The following ABCA3 variants were observed in gnomAD, a reference collection of about 807,000 sequenced individuals.
The protein encoded by ABCA3 is ATP binding cassette subfamily A member 3.
ABCA3 carries 88 observed loss-of-function variants against 172.8 expected under a neutral mutation model. That is an observed-to-expected ratio of 0.51 (90% CI 0.43 to 0.61). The LOEUF is 0.61. Among genes scored for constraint, ABCA3 ranks in the 20% least tolerant of loss-of-function variants. The probability of loss-of-function intolerance (pLI) is 0.00; values close to 1 mark genes in which losing one functional copy is unlikely to be tolerated. For synonymous variants in ABCA3, 1,066 were observed against 983.8 expected, an observed-to-expected ratio of 1.08 and a Z score of -1.56; for missense variants, 2,164 against 2,301.0, an observed-to-expected ratio of 0.94 and a Z score of 1.22.
intron 7 of ABCA3, among the ~76,000 whole-genome samples, chr16:2,322,656 AG>A (rs1467691544): frequency 1.3e-5 from 2 of 151,764 alleles, no homozygotes; most frequent in Non-Finnish European, 2.9e-5. Context: ...AATTAATTCG[AG>A]ATGGATTAAA....
rs776976292 is a variant in ABCA3 at position 2,281,494 on chromosome 16, G to T, written c.4051C>A (p.Arg1351=). 5 of 1,613,202 alleles carry T rather than the reference G, an allele frequency of 3.1e-6. No individual in the cohort carries two copies. The African/African-American group carries it at 5.3e-5, about 17-fold the overall frequency. ...TGGTCCTCAGGAAGCACAGGCATCCGGGTGTATAATTCTGTCTGATTGACC... is the reference window on the plus strand; with the variant it reads ...TGGTCCTCAGGAAGCACAGGCATCCTGGTGTATAATTCTGTCTGATTGACC... ...RRRTLTELYT[R]MPVLPEDQDV... is the part of the protein sequence containing the mutation. Residue 1351 remains arginine (R), a synonymous_variant, in exon 27 of 33, where the codon CGG becomes AGG. Transcript: ENST00000301732. This position sits in a 1 kb window ranked among gnomAD's most constrained non-coding sequence, Gnocchi z 4.7.
chr16:2,333,483 G>C (rs576811242), intron 1 of ABCA3, among the ~76,000 whole-genome samples: 3 of 152,292 alleles, frequency 2.0e-5, no homozygotes, highest in African/African-American at 2.4e-5. Context: ...GACACCAGGA[G>C]TCTGCAACAG....
At chr16:2,322,196 G>GAAA (rs770820216) in intron 7 of ABCA3, among the ~76,000 whole-genome samples, 1 of 117,468 alleles carries the variant, frequency 8.5e-6, no homozygotes, top group South Asian at 2.7e-4. Context: ...GATTCTGTCT[G>GAAA]AAAAAAAAAA....
chr16:2,297,676 G>A lies in ABCA3; in HGVS notation c.2052+90C>T. 1 of 1,594,010 alleles carries A rather than the reference G, an allele frequency of 6.3e-7. No individual in the cohort carries two copies. Among genetic ancestry groups the A allele is most frequent in the South Asian group, 1.1e-5 (1 of 90,568 alleles). On this transcript the variant is annotated intron_variant, in intron 16 of 32. Coordinates refer to ENST00000301732, the MANE Select transcript of ABCA3 (RefSeq NM_001089.3). This position sits in a 1 kb window ranked among gnomAD's most constrained non-coding sequence, Gnocchi z 5.6. Reference sequence around the variant, plus strand: ...GGATGGTGATGGCCTTGTCTGGGGTGTCAAGGGCCAAGGTGCCCGGGCCAT... The same window carrying A: ...GGATGGTGATGGCCTTGTCTGGGGTATCAAGGGCCAAGGTGCCCGGGCCAT...
At chr16:2,296,030 G>C (rs2093679240) in intron 17 of ABCA3, among the ~76,000 whole-genome samples, 1 of 152,216 alleles carries the variant, frequency 6.6e-6, no homozygotes, top group African/African-American at 2.4e-5. Flanking sequence ...CACCAGGGAA[G>C]GATATCATCA....
intron 9 of ABCA3, 47 bp from the exon 10 acceptor site, chr16:2,317,450 G>A: frequency 6.2e-7 from 1 of 1,610,450 alleles, no homozygotes; most frequent in Non-Finnish European, 8.5e-7. Flanking sequence ...GGCAGAGGTG[G>A]ACCAGGAGGA....
In ABCA3 at chr16:2,279,138, C is replaced by T. The variant is rs759370084; in HGVS notation, c.4360-8G>A. On this transcript the variant is annotated splice_region_variant and splice_polypyrimidine_tract_variant and intron_variant, in intron 28 of 32. Coordinates refer to ENST00000301732, the MANE Select transcript of ABCA3 (RefSeq NM_001089.3). This position sits in a 1 kb window ranked among gnomAD's most constrained non-coding sequence, Gnocchi z 4.4. Reference sequence around the variant, plus strand: ...GCCGATCCGCTGCCGCACCTGGGGTCGGAGCATAGCCGGGGAGGGAGGCGG... The same window carrying T: ...GCCGATCCGCTGCCGCACCTGGGGTTGGAGCATAGCCGGGGAGGGAGGCGG... 39 of 1,610,166 alleles carry T rather than the reference C, an allele frequency of 2.4e-5. No homozygotes were observed. Among genetic ancestry groups the T allele is most frequent in the South Asian group, 3.3e-5 (3 of 90,992 alleles).
At position 2,286,982 on chromosome 16, in the gene ABCA3, CAG is replaced by C. The variant is rs755403095; in HGVS notation, c.3005-17_3005-16del. Reference sequence around the variant, plus strand: ...CTCCAGGTCACCTGGGGAGCAATGGCAGAGTCAGGGGACACAGGAAGAGGTGA... The same window carrying C: ...CTCCAGGTCACCTGGGGAGCAATGGCAGTCAGGGGACACAGGAAGAGGTGA... On this transcript the variant is annotated splice_polypyrimidine_tract_variant and intron_variant, in intron 21 of 32. Coordinates refer to ENST00000301732, the MANE Select transcript of ABCA3 (RefSeq NM_001089.3). The surrounding 1 kb of genome is among the most constrained non-coding windows in gnomAD (Gnocchi z 5.2). 2.5e-6 allele frequency: 4 copies of C among 1,610,400 alleles called. No homozygotes were observed. In the East Asian group the frequency reaches 8.9e-5, roughly 36 times the overall value.
intron 7 of ABCA3, 56 bp downstream of exon 7, chr16:2,323,467 A>G: frequency 6.2e-7 from 1 of 1,608,152 alleles, no homozygotes; most frequent in South Asian, 1.1e-5. Flanking sequence ...CCCCCATATG[A>G]CTGTCACTAG....
intron 12 of ABCA3, among the ~76,000 whole-genome samples, chr16:2,302,162 A>T (rs2093690472): frequency 6.6e-6 from 1 of 152,170 alleles, no homozygotes; most frequent in African/African-American, 2.4e-5. Flanking sequence ...TATGTGGGTA[A>T]ATCTCTGTTC....
At chr16:2,308,786 C>T (rs1213011963) in intron 10 of ABCA3, among the ~76,000 whole-genome samples, 163 bp from the exon 11 acceptor site, 1 of 152,134 alleles carries the variant, frequency 6.6e-6, no homozygotes, top group African/African-American at 2.4e-5. Context: ...CGGGGGGACA[C>T]CAGGTGTGGC....
intron 18 of ABCA3, among the ~76,000 whole-genome samples, chr16:2,294,964 C>G (rs1419780646): frequency 6.6e-6 from 1 of 152,112 alleles, no homozygotes; most frequent in Non-Finnish European, 1.5e-5. Context: ...GACTGGGCAG[C>G]AGAGTGAGGC....
rs918620676 is a variant in ABCA3 at position 2,324,826 on chromosome 16, C to A, written c.320-295G>T. On this transcript the variant is annotated intron_variant, in intron 5 of 32. Coordinates refer to ENST00000301732, the MANE Select transcript of ABCA3 (RefSeq NM_001089.3). ...AAGGCCCAGGGGAGCAAACCCACCA[C>A]CCACCCTGCAGTGGGCTCTGCAGCC... 3.3e-5 allele frequency among the ~76,000 whole-genome samples: 5 copies of A among 152,294 alleles called. No individual in the cohort carries two copies. In the East Asian group the frequency reaches 9.7e-4, roughly 30 times the overall value.
intron 3 of ABCA3, 24 bp from the exon 4 acceptor site, chr16:2,326,516 A>C: frequency 6.3e-7 from 1 of 1,582,976 alleles, no homozygotes. Flanking sequence ...AAAGACAGAG[A>C]GTGTGGGTGC....
chr16:2,329,568 C>T (rs889413503), intron 2 of ABCA3, 80 bp downstream of exon 2: 3 of 152,376 alleles, frequency 2.0e-5, no homozygotes, highest in East Asian at 3.8e-4. Flanking sequence ...CCTCTCCAGT[C>T]CCAGGGCTGG....
intron 1 of ABCA3, among the ~76,000 whole-genome samples, chr16:2,336,585 C>T (rs2093752089): frequency 6.6e-6 from 1 of 150,508 alleles, no homozygotes; most frequent in Non-Finnish European, 1.5e-5. Flanking sequence ...TGCCCGCCAC[C>T]ACGCCCAGCT....
chr16:2,328,655 CAG>C lies in ABCA3; in HGVS notation c.-231_-230del. On this transcript the variant is annotated 5_prime_UTR_variant, in exon 3 of 33. It introduces an in-frame stop codon into an upstream open reading frame of the 5' UTR. Transcript: ENST00000301732. Reference sequence around the variant, plus strand: ...CTGGTCCACTCGCTACAACTGCAGGCAGAGAGGAGTCCTTCCCGCTCAGCGTC... The same window carrying C: ...CTGGTCCACTCGCTACAACTGCAGGCAGAGGAGTCCTTCCCGCTCAGCGTC... The C allele has an allele frequency of 2.2e-6, 1 of 461,838 alleles. No homozygotes were observed. The highest frequency in any genetic ancestry group is 1.5e-5 in the South Asian group (1 of 65,238). The allele number at this position is 461,838 out of a possible 1,614,324, so 28.6% of individuals were successfully genotyped here.
chr16:2,297,789 T>G lies in ABCA3; in HGVS notation c.2029A>C (p.Ile677Leu). Residue 677 changes from isoleucine (I) to leucine (L), a missense_variant, in exon 16 of 33, where the codon ATC becomes CTC. Transcript: ENST00000301732. The surrounding 1 kb of genome is among the most constrained non-coding windows in gnomAD (Gnocchi z 5.6). ...GGMRRKLSIG[I>L]ALIAGSKVLI... ...ACCTTGGAGCCTGCGATGAGGGCGA[T>G]GCCGATGGAGAGCTTGCGCCTCATG... 1 of 1,613,002 alleles carries G rather than the reference T, an allele frequency of 6.2e-7. No homozygotes were observed. Among genetic ancestry groups the G allele is most frequent in the Non-Finnish European group, 8.5e-7 (1 of 1,180,030 alleles).
chr16:2,331,550 T>C (rs2093743259), intron 1 of ABCA3, among the ~76,000 whole-genome samples: 1 of 152,258 alleles, frequency 6.6e-6, no homozygotes, highest in Non-Finnish European at 1.5e-5. Flanking sequence ...CTGATACGTG[T>C]GAGGCTTTAC....
Sources: gnomAD v4.1 joint callset for allele counts (sites outside exome capture counted in the v4.1 genomes callset) on GRCh38, gnomAD v4.1.1 for gene constraint, Gnocchi (gnomAD v3.1) non-coding constraint, MANE v1.5 for transcripts, NCBI Gene and HGNC (gene_info 2026-07-23, HGNC 2026-07-21) for gene names.